ARHGAP15: variants seen among roughly 807,000 people sequenced by gnomAD.
ARHGAP15 encodes the protein rho GTPase-activating protein 15.
Under a neutral mutation model 63.7 loss-of-function variants are expected in ARHGAP15, and 51 were observed. That is an observed-to-expected ratio of 0.80 (90% CI 0.64 to 1.01). The LOEUF (loss-of-function observed/expected upper bound fraction) is 1.01. ARHGAP15 is among the 50% of genes least tolerant of loss of function. The probability of loss-of-function intolerance (pLI) is 0.00; values close to 1 mark genes in which losing one functional copy is unlikely to be tolerated. For missense variants in ARHGAP15, 560 were observed against 564.6 expected (o/e 0.99, Z 0.08); for synonymous variants, 191 against 193.8 (o/e 0.99, Z 0.12).
intron 6 of ARHGAP15, among the ~76,000 whole-genome samples, chr2:143,308,531 T>C (rs1440289431): frequency 6.6e-6 from 1 of 151,692 alleles, no homozygotes; most frequent in African/African-American, 2.4e-5. Flanking sequence ...ACACAGTGCC[T>C]AGCACATGAA....
chr2:143,487,290 A>G, intron 8 of ARHGAP15, 83 bp from the exon 9 acceptor site: 1 of 1,468,228 alleles, frequency 6.8e-7, no homozygotes, highest in African/African-American at 1.4e-5. Flanking sequence ...TTTCATAACT[A>G]CTGTTTTCTA....
intron 6 of ARHGAP15, among the ~76,000 whole-genome samples, chr2:143,298,052 A>G (rs1682723867): frequency 1.3e-5 from 2 of 151,896 alleles, no homozygotes; most frequent in Non-Finnish European, 2.9e-5. Flanking sequence ...GTTCATAGAT[A>G]TCATTCTCTC....
At chr2:143,552,462 A>G (rs1459822338) in intron 10 of ARHGAP15, among the ~76,000 whole-genome samples, 1 of 152,130 alleles carries the variant, frequency 6.6e-6, no homozygotes, top group Admixed American at 6.6e-5. Flanking sequence ...AATTACTCAT[A>G]ACAGCTGCAT....
intron 8 of ARHGAP15, among the ~76,000 whole-genome samples, chr2:143,468,080 GT>G (rs1691319731): frequency 6.6e-6 from 1 of 151,920 alleles, no homozygotes; most frequent in Non-Finnish European, 1.5e-5. Context: ...AGGGTGCCTT[GT>G]TTGATTGTGT....
chr2:143,741,332 TCAAC>T (rs1685955372), intron 13 of ARHGAP15: 1 of 152,252 alleles, frequency 6.6e-6, no homozygotes, highest in Admixed American at 6.5e-5. Flanking sequence ...TTTAAAATGC[TCAAC>T]CATTTTCTTC....
At chr2:143,249,497 T>A (rs1311013326) in intron 5 of ARHGAP15, among the ~76,000 whole-genome samples, 1 of 152,144 alleles carries the variant, frequency 6.6e-6, no homozygotes, top group African/African-American at 2.4e-5. Context: ...GCTAAAAATA[T>A]AATAAGCTTC....
chr2:143,651,941 T>C (rs1681186647), intron 12 of ARHGAP15, among the ~76,000 whole-genome samples: 1 of 152,004 alleles, frequency 6.6e-6, no homozygotes, highest in Admixed American at 6.6e-5. Context: ...TGAGAGTTAT[T>C]TTTGTCTTCT....
chr2:143,155,362 AAG>A, intron 1 of ARHGAP15, 113 bp from the exon 2 acceptor site: 1 of 998,132 alleles, frequency 1.0e-6, no homozygotes, highest in South Asian at 1.8e-5. Flanking sequence ...CAGAGAGGTG[AAG>A]ACTCTTGTTT....
intron 9 of ARHGAP15, among the ~76,000 whole-genome samples, chr2:143,515,061 G>T (rs1693750918): frequency 6.6e-6 from 1 of 152,056 alleles, no homozygotes; most frequent in Admixed American, 6.6e-5. Flanking sequence ...AAGACAAGAA[G>T]GATTGTGCAC....
intron 12 of ARHGAP15, among the ~76,000 whole-genome samples, chr2:143,643,427 A>ACCCCCCCCCCCCCCCC (rs10540732): frequency 1.6e-5 from 2 of 128,346 alleles, no homozygotes; most frequent in Admixed American, 8.1e-5. Flanking sequence ...CCCTCCACCC[A>ACCCCCCCCCCCCCCCC]CCCCCCCCCA....
At chr2:143,487,613 A>C (rs1460020598) in intron 9 of ARHGAP15, 118 bp downstream of exon 9, 1 of 1,179,608 alleles carries the variant, frequency 8.5e-7, no homozygotes, top group Non-Finnish European at 1.1e-6. Flanking sequence ...TTGCTTATTA[A>C]ATTTTCTACT....
chr2:143,574,760 A>C (rs1335701648), intron 11 of ARHGAP15, among the ~76,000 whole-genome samples: 1 of 152,138 alleles, frequency 6.6e-6, no homozygotes, highest in African/African-American at 2.4e-5. Flanking sequence ...AGGTTTGGTT[A>C]ACTATAGATT....
chr2:143,131,348 A>G (rs1688908792), intron 1 of ARHGAP15, among the ~76,000 whole-genome samples: 1 of 152,214 alleles, frequency 6.6e-6, no homozygotes, highest in African/African-American at 2.4e-5. Flanking sequence ...TGAGTCAGAA[A>G]CAAGTTTTGA....
chr2:143,299,434 T>C (rs551227744), intron 6 of ARHGAP15, among the ~76,000 whole-genome samples: 1 of 152,150 alleles, frequency 6.6e-6, no homozygotes, highest in South Asian at 2.1e-4. Context: ...TAATTTAATA[T>C]AATGCTTTAT....
intron 6 of ARHGAP15, among the ~76,000 whole-genome samples, chr2:143,324,557 C>T (rs1189131496): frequency 6.6e-6 from 1 of 152,174 alleles, no homozygotes; most frequent in Non-Finnish European, 1.5e-5. Flanking sequence ...CAAATTTAAG[C>T]ATTCACTAGT....
At chr2:143,386,393 A>AT (rs1241024163) in intron 6 of ARHGAP15, among the ~76,000 whole-genome samples, 1 of 152,148 alleles carries the variant, frequency 6.6e-6, no homozygotes, top group African/African-American at 2.4e-5. Flanking sequence ...AAGGAATACA[A>AT]TTTTTGCAAA....
chr2:143,521,419 T>G (rs1187703566), intron 10 of ARHGAP15, among the ~76,000 whole-genome samples: 1 of 152,194 alleles, frequency 6.6e-6, no homozygotes, highest in Admixed American at 6.5e-5. Flanking sequence ...ACTCAAAGTG[T>G]TGTTTTTACG....
intron 13 of ARHGAP15, among the ~76,000 whole-genome samples, chr2:143,723,441 A>T (rs1320624632): frequency 1.3e-5 from 2 of 152,192 alleles, no homozygotes; most frequent in Non-Finnish European, 2.9e-5. Context: ...TTGGCTGTGG[A>T]GCTCATTGGG....
At chr2:143,455,643 C>G (rs1016290763) in intron 8 of ARHGAP15, among the ~76,000 whole-genome samples, 1 of 152,068 alleles carries the variant, frequency 6.6e-6, no homozygotes, top group African/African-American at 2.4e-5. Flanking sequence ...TGATGAAATA[C>G]TGTTAAAATA....
Sources: gnomAD v4.1 joint callset for allele counts (sites outside exome capture counted in the v4.1 genomes callset) on GRCh38, gnomAD v4.1.1 for gene constraint, MANE v1.5 for transcripts, NCBI Gene and HGNC (gene_info 2026-07-23, HGNC 2026-07-21) for gene names.